Variants in SMG1 observed in about 807,000 individuals in gnomAD.
SMG1 encodes serine/threonine-protein kinase SMG1.
A neutral mutation model predicts 419.9 loss-of-function variants in SMG1; 22 were observed. That is an observed-to-expected ratio of 0.05 (90% confidence interval 0.04 to 0.07). SMG1 has a LOEUF of 0.07. SMG1 is among the 10% of genes least tolerant of loss of function. The probability of loss-of-function intolerance (pLI) is 1.00; values close to 1 mark genes in which losing one functional copy is unlikely to be tolerated. For missense variants in SMG1, 3,185 were observed against 4,342.0 expected (o/e 0.73, Z 7.49); for synonymous variants, 1,538 against 1,553.5 (o/e 0.99, Z 0.23).
Position 18,868,547 on chromosome 16 carries a change from A to G in SMG1, c.3006T>C (p.Ala1002=), listed in dbSNP as rs1288408967. 2 of 1,594,814 alleles carry G rather than the reference A, an allele frequency of 1.3e-6. No homozygotes were observed. Among genetic ancestry groups the G allele is most frequent in the East Asian group, 4.5e-5 (2 of 44,856 alleles). ...CCTTGGGAGGTGAAGTTAATGCATT[A>G]GCACATCCCTCGTATGCATTATACA... ...KLMYNAYEGC[A]NALTSPPKVI... Residue 1002 remains alanine, a synonymous_variant, in exon 21 of 63, where the codon GCT becomes GCC. Coordinates refer to ENST00000446231, the MANE Select transcript of SMG1 (RefSeq NM_015092.5).
chr16:18,810,814 G>C (rs1263104611), intron 62 of SMG1, among the ~76,000 whole-genome samples: 1 of 152,130 alleles, frequency 6.6e-6, no homozygotes, highest in Non-Finnish European at 1.5e-5. Flanking sequence ...TTGTTCAAGA[G>C]ACACATGGTG....
rs1300150846 is a variant in SMG1 at position 18,845,412 on chromosome 16, T to G, written c.6219+17A>C. 2 of 1,602,794 alleles carry G rather than the reference T, an allele frequency of 1.2e-6. No individual in the cohort carries two copies. Among genetic ancestry groups the G allele is most frequent in the East Asian group, 2.2e-5 (1 of 44,768 alleles). The stretch of plus-strand genomic sequence containing the variant: ...GTGATGTGCCATTTCAGTAGCATGC[T>G]TGGGATTATTCTGTACCTCTTTAAA... On this transcript the variant is annotated intron_variant, in intron 39 of 62. Transcript: ENST00000446231.
In SMG1 at chr16:18,883,689, C is replaced by A. The variant is rs192228561; in HGVS notation, c.1119+381G>T. 1.1e-4 allele frequency among the ~76,000 whole-genome samples: 17 copies of A among 152,214 alleles called. 1 individual carries two copies. In the East Asian group the frequency reaches 2.7e-3, roughly 24 times the overall value. ...ATCCCAGCACTTTGGGAGGCCGATG[C>A]GGGTGGATCACCTGAGGTCAGGAGT... On this transcript the variant is annotated intron_variant, in intron 9 of 62. Transcript: ENST00000446231.
chr16:18,829,428 A>G lies in SMG1; in HGVS notation c.9461T>C (p.Leu3154Pro), dbSNP rs199794873. ...TAACACAGTTGCCCTGTTCATAACC[A>G]GCTGAGAGAACTTCCCTATCTGGAT... ...HNIQIGKFSQLVMNRATVLAS... is the reference protein window; with the variant it reads ...HNIQIGKFSQPVMNRATVLAS... Residue 3154 changes from leucine to proline, a missense_variant, in exon 54 of 63, where the codon CTG (leucine) becomes CCG (proline). Physicochemically the swap from Leu to Pro is moderately conservative, Grantham distance 98 (BLOSUM62 -3). Transcript: ENST00000446231. The G allele has an allele frequency of 7.7e-5, 124 of 1,614,022 alleles. No homozygotes were observed. Among genetic ancestry groups the G allele is most frequent in the Middle Eastern group, 4.9e-4 (3 of 6,062 alleles).
intron 1 of SMG1, among the ~76,000 whole-genome samples, chr16:18,923,208 A>T (rs4541059): frequency 0.49 from 74,847 of 151,980 alleles, 18,799 homozygotes; most frequent in Middle Eastern, 0.59. Flanking sequence ...TCTTGCCATA[A>T]GACATTCACG....
intron 13 of SMG1, chr16:18,875,044 A>G (rs1228963701): frequency 5.9e-5 from 9 of 152,146 alleles, no homozygotes; most frequent in Non-Finnish European, 1.0e-4. Context: ...AGATATGTGG[A>G]GGATGGGACC....
At chr16:18,810,498 G>A (rs1231995704) in intron 62 of SMG1, among the ~76,000 whole-genome samples, 1 of 152,154 alleles carries the variant, frequency 6.6e-6, no homozygotes, top group Non-Finnish European at 1.5e-5. Context: ...CAGTGGATCT[G>A]AATGACCATT....
chr16:18,913,576 A>T (rs1037529704), intron 1 of SMG1, among the ~76,000 whole-genome samples: 1 of 152,070 alleles, frequency 6.6e-6, no homozygotes. Context: ...AGACATATTC[A>T]TTAGTGGAGC....
intron 10 of SMG1, among the ~76,000 whole-genome samples, chr16:18,881,644 T>C (rs2036402328): frequency 6.6e-6 from 1 of 152,176 alleles, no homozygotes; most frequent in Admixed American, 6.5e-5. Flanking sequence ...TTGGATGTGC[T>C]ACATACAGTG....
At chr16:18,888,163 TCAAAAAA>T (rs2036718633) in intron 6 of SMG1, among the ~76,000 whole-genome samples, 1 of 22,452 alleles carries the variant, frequency 4.5e-5, no homozygotes, top group Non-Finnish European at 9.0e-5. Flanking sequence ...AGACTCTGCA[TCAAAAAA>T]AAAAAAAAAA....
intron 1 of SMG1, among the ~76,000 whole-genome samples, chr16:18,919,657 T>TATAC (rs1273813622): frequency 3.1e-4 from 39 of 125,814 alleles, no homozygotes; most frequent in Non-Finnish European, 5.2e-4. Flanking sequence ...TGTGTATATA[T>TATAC]ACACACACAC....
chr16:18,813,216 C>T (rs1395885122), intron 60 of SMG1, among the ~76,000 whole-genome samples: 2 of 152,186 alleles, frequency 1.3e-5, no homozygotes, highest in Non-Finnish European at 2.9e-5. Context: ...AATGGTATTT[C>T]TAGTTCTAGA....
At position 18,845,438 on chromosome 16, in the gene SMG1, T is replaced by G. The variant is rs777566980; in HGVS notation, c.6210A>C (p.Pro2070=). ...NPAKPGSSWI[P]FKEIMLSLQQ... is the part of the protein sequence containing the mutation. ...TGGGATTATTCTGTACCTCTTTAAATGGAATCCAGCTGCTCCCAGGCTTTG... is the reference window on the plus strand; with the variant it reads ...TGGGATTATTCTGTACCTCTTTAAAGGGAATCCAGCTGCTCCCAGGCTTTG... The change falls in exon 39 of 63, where the codon CCA becomes CCC. Residue 2070 remains proline, a synonymous_variant. Transcript: ENST00000446231. The G allele has an allele frequency of 6.2e-7, 1 of 1,613,772 alleles. No individual in the cohort carries two copies. Among genetic ancestry groups the G allele is most frequent in the South Asian group, 1.1e-5 (1 of 91,082 alleles).
chr16:18,833,184 A>G lies in SMG1; in HGVS notation c.8566-18T>C. 1.2e-6 allele frequency: 2 copies of G among 1,600,200 alleles called. No homozygotes were observed. The highest frequency in any genetic ancestry group is 1.7e-6 in the Non-Finnish European group (2 of 1,170,380). On this transcript the variant is annotated intron_variant, in intron 50 of 62. Transcript: ENST00000446231. ...TTCAATTCCTATAAATATATGAGAA[A>G]AAAACTTTTAATGTTTTTTGAGTTT...
intron 55 of SMG1, among the ~76,000 whole-genome samples, chr16:18,820,068 C>T (rs1307983763): frequency 6.6e-6 from 1 of 152,098 alleles, no homozygotes; most frequent in Non-Finnish European, 1.5e-5. Flanking sequence ...TGGGTTCAAG[C>T]GATTCTCCTG....
intron 50 of SMG1, 116 bp downstream of exon 50, chr16:18,834,088 T>C: frequency 1.4e-6 from 1 of 725,970 alleles, no homozygotes; most frequent in Non-Finnish European, 2.3e-6. Context: ...TCCTTTTAAA[T>C]GACTGGTTGA....
At chr16:18,853,420 G>T (rs1316534679) in intron 31 of SMG1, among the ~76,000 whole-genome samples, 163 bp downstream of exon 31, 1 of 152,088 alleles carries the variant, frequency 6.6e-6, no homozygotes, top group Non-Finnish European at 1.5e-5. Context: ...AATGGCATTC[G>T]ATCCTAAATA....
At chr16:18,833,401 T>C (rs146835391) in intron 50 of SMG1, among the ~76,000 whole-genome samples, 4 of 152,266 alleles carry the variant, frequency 2.6e-5, no homozygotes, top group Non-Finnish European at 5.9e-5. Flanking sequence ...TTTAAAAAGT[T>C]GTCATATAAT....
chr16:18,844,570 T>TCACACACACACACA (rs56381713), intron 39 of SMG1, among the ~76,000 whole-genome samples: 30,269 of 88,368 alleles, frequency 0.34, 6,966 homozygotes, highest in Non-Finnish European at 0.4. Context: ...CATCCTTCTC[T>TCACACACACACACA]CACACACACA....
Sources: gnomAD v4.1 joint callset for allele counts (sites outside exome capture counted in the v4.1 genomes callset) on GRCh38, gnomAD v4.1.1 for gene constraint, MANE v1.5 for transcripts, NCBI Gene and HGNC (gene_info 2026-07-23, HGNC 2026-07-21) for gene names.